Variants in PCCA observed in about 807,000 individuals in gnomAD.
PCCA encodes propionyl-CoA carboxylase subunit alpha, also known as propionyl-CoA carboxylase alpha chain, mitochondrial.
Under a neutral mutation model 101.3 loss-of-function variants are expected in PCCA, and 74 were observed. That is an observed-to-expected ratio of 0.73 (90% CI 0.61 to 0.89). The LOEUF (loss-of-function observed/expected upper bound fraction) is 0.89. PCCA is among the 40% of genes least tolerant of loss of function. The pLI is 0.00. For missense variants in PCCA, 891 were observed against 907.0 expected (o/e 0.98, Z 0.23); for synonymous variants, 294 against 313.6 (o/e 0.94, Z 0.66).
chr13:100,317,200 A>ACCTT (rs2067455195), intron 16 of PCCA, among the ~76,000 whole-genome samples: 1 of 152,284 alleles, frequency 6.6e-6, no homozygotes, highest in Non-Finnish European at 1.5e-5. Flanking sequence ...TTGTTGATGT[A>ACCTT]CCTTGGTCTA....
intron 22 of PCCA, 49 bp from the exon 23 acceptor site, chr13:100,527,626 A>C (rs2153008252): frequency 7.7e-7 from 1 of 1,301,294 alleles, no homozygotes; most frequent in Non-Finnish European, 1.1e-6. Flanking sequence ...CTAAGTGTTA[A>C]TGCAAAATTA....
At chr13:100,289,198 A>T (rs1050566011) in intron 12 of PCCA, among the ~76,000 whole-genome samples, 1 of 152,184 alleles carries the variant, frequency 6.6e-6, no homozygotes, top group African/African-American at 2.4e-5. Context: ...TTAAATGTTT[A>T]ATCTGAAATC....
At chr13:100,265,146 A>G (rs2062841110) in intron 10 of PCCA, among the ~76,000 whole-genome samples, 1 of 152,140 alleles carries the variant, frequency 6.6e-6, no homozygotes, top group South Asian at 2.1e-4. Context: ...TTGCCTGTTC[A>G]CTTTGATAAT....
At chr13:100,276,631 T>C (rs965023307) in intron 12 of PCCA, among the ~76,000 whole-genome samples, 4 of 152,158 alleles carry the variant, frequency 2.6e-5, no homozygotes, top group African/African-American at 9.6e-5. Flanking sequence ...TTTTGGATAA[T>C]TTCTTCTGTC....
chr13:100,460,705 C>T (rs2082109998), intron 21 of PCCA, among the ~76,000 whole-genome samples: 1 of 152,084 alleles, frequency 6.6e-6, no homozygotes, highest in Non-Finnish European at 1.5e-5. Context: ...AAAGATTTAC[C>T]ATTAAGAATG....
At chr13:100,412,700 G>T (rs1412550916) in intron 19 of PCCA, among the ~76,000 whole-genome samples, 4 of 152,114 alleles carry the variant, frequency 2.6e-5, no homozygotes, top group Admixed American at 2.6e-4. Flanking sequence ...TCTTCCTTGA[G>T]ATGTAATGGG....
intron 21 of PCCA, among the ~76,000 whole-genome samples, chr13:100,512,185 A>G (rs1019360052): frequency 6.6e-6 from 1 of 152,096 alleles, no homozygotes; most frequent in African/African-American, 2.4e-5. Flanking sequence ...GTTTCTTGTC[A>G]TTGTCCTGCT....
chr13:100,437,210 C>G (rs949318054), intron 20 of PCCA, among the ~76,000 whole-genome samples: 13 of 152,208 alleles, frequency 8.5e-5, no homozygotes, highest in African/African-American at 3.1e-4. Context: ...CATATCAGCT[C>G]TTACTCCCAC....
At chr13:100,281,706 A>G (rs772850903) in intron 12 of PCCA, among the ~76,000 whole-genome samples, 74 of 152,148 alleles carry the variant, frequency 4.9e-4, no homozygotes, top group Admixed American at 2.6e-4. Context: ...TTTTTAACAT[A>G]CTAATTTGGG....
chr13:100,465,940 G>A (rs2082484393), intron 21 of PCCA, among the ~76,000 whole-genome samples: 1 of 152,164 alleles, frequency 6.6e-6, no homozygotes, highest in Non-Finnish European at 1.5e-5. Context: ...GTGTGTAAGG[G>A]GTACTTTTTC....
chr13:100,506,986 C>T (rs945861856), intron 21 of PCCA, among the ~76,000 whole-genome samples: 6 of 152,072 alleles, frequency 3.9e-5, no homozygotes, highest in Non-Finnish European at 7.4e-5. Flanking sequence ...TACCAAATAC[C>T]TTATAAATTC....
chr13:100,128,776 C>A (rs754649927), intron 4 of PCCA, among the ~76,000 whole-genome samples: 17 of 152,154 alleles, frequency 1.1e-4, no homozygotes, highest in Non-Finnish European at 2.5e-4. Flanking sequence ...TTTTCAGACA[C>A]TCTCATCCTC....
chr13:100,239,949 G>A (rs956990148), intron 8 of PCCA, among the ~76,000 whole-genome samples: 10 of 151,970 alleles, frequency 6.6e-5, no homozygotes, highest in Non-Finnish European at 1.5e-4. Context: ...TCTCCTGGAT[G>A]CCTCTTTTCC....
intron 4 of PCCA, chr13:100,150,641 G>A (rs952725152): frequency 1.5e-6 from 2 of 1,292,598 alleles, no homozygotes; most frequent in African/African-American, 2.9e-5. Context: ...GACTGATTTG[G>A]TGATCCATTA....
intron 4 of PCCA, among the ~76,000 whole-genome samples, chr13:100,148,125 A>G (rs982998597): frequency 1.1e-4 from 17 of 151,692 alleles, no homozygotes; most frequent in Admixed American, 8.5e-4. Context: ...ACAGGGTCTC[A>G]CTCTGTTAGC....
At chr13:100,159,730 T>C (rs2152391985) in intron 6 of PCCA, among the ~76,000 whole-genome samples, 1 of 152,322 alleles carries the variant, frequency 6.6e-6, no homozygotes, top group South Asian at 2.1e-4. Context: ...TTATCAGTGC[T>C]GTGCCTCCAC....
chr13:100,425,818 G>T, intron 20 of PCCA, 87 bp downstream of exon 20: 1 of 855,530 alleles, frequency 1.2e-6, no homozygotes, highest in East Asian at 2.5e-5. Flanking sequence ...AGAGCTATAG[G>T]AGGGAAAAGC....
intron 18 of PCCA, among the ~76,000 whole-genome samples, chr13:100,343,807 G>A (rs980716045): frequency 6.6e-6 from 1 of 152,230 alleles, no homozygotes; most frequent in East Asian, 1.9e-4. Context: ...CAGGTGCAGT[G>A]GCTCATGCCT....
intron 6 of PCCA, among the ~76,000 whole-genome samples, chr13:100,169,171 G>C (rs1157177913): frequency 1.3e-5 from 2 of 152,128 alleles, no homozygotes; most frequent in African/African-American, 4.8e-5. Context: ...GCCAGGCGCA[G>C]TGGCTCACGC....
Sources: allele counts gnomAD v4.1 joint callset (sites outside exome capture counted in the v4.1 genomes callset), GRCh38; gene constraint gnomAD v4.1.1; transcripts MANE v1.5; gene names NCBI Gene and HGNC (gene_info 2026-07-23, HGNC 2026-07-21).